Variants in MAP2K5 observed in about 807,000 individuals in gnomAD.
MAP2K5 encodes mitogen-activated protein kinase kinase 5.
A neutral mutation model predicts 83.1 loss-of-function variants in MAP2K5; 49 were observed. The ratio of observed to expected loss-of-function variants is 0.59; its 90% CI spans 0.47 to 0.75. The LOEUF is 0.75. Among genes scored for constraint, MAP2K5 ranks in the 30% least tolerant of loss-of-function variants. MAP2K5 has a pLI of 0.00. For missense variants in MAP2K5, 457 were observed against 557.5 expected, an observed-to-expected ratio of 0.82 and a Z score of 1.82; for synonymous variants, 202 against 191.8, an observed-to-expected ratio of 1.05 and a Z score of -0.44.
At chr15:67,567,525 C>T (rs1376485804) in intron 3 of MAP2K5, among the ~76,000 whole-genome samples, 1 of 151,908 alleles carries the variant, frequency 6.6e-6, no homozygotes, top group Non-Finnish European at 1.5e-5. Context: ...CCACCGCGCC[C>T]GGCTAATTTT....
chr15:67,747,499 C>G lies in MAP2K5; in HGVS notation c.1075-732C>G, dbSNP rs943753205. On this transcript the variant is annotated intron_variant, in intron 17 of 21. Coordinates refer to ENST00000178640, the MANE Select transcript of MAP2K5 (RefSeq NM_145160.3). The surrounding 1 kb of genome is among the most constrained non-coding windows in gnomAD (Gnocchi z 4.1). ...GTGGATGTTTTATTAATTTTTATGT[C>G]ACGTTTTAGTAGCTTTGTAAGAAAT... is the stretch of plus-strand genomic sequence containing the variant. 1.3e-5 allele frequency among the ~76,000 whole-genome samples: 2 copies of G among 152,124 alleles called. No individual in the cohort carries two copies. Among genetic ancestry groups the G allele is most frequent in the Non-Finnish European group, 2.9e-5 (2 of 68,030 alleles).
Position 67,782,199 on chromosome 15 carries a change from C to T in MAP2K5, c.1242+9447C>T, listed in dbSNP as rs1442482946. Among the ~76,000 whole-genome samples the T allele has an allele frequency of 3.3e-5, 5 of 152,300 alleles. No homozygotes were observed. The highest frequency in any genetic ancestry group is 1.3e-4 in the Admixed American group (2 of 15,298). On this transcript the variant is annotated intron_variant, in intron 21 of 21. Transcript: ENST00000178640. This position sits in a 1 kb window ranked among gnomAD's most constrained non-coding sequence, Gnocchi z 4.9. Reference sequence around the variant, plus strand: ...AAAGAGGCAGTGTCTCCCGCCTCTGCGGTTTCAATAATTTTAAGAGCCCCC... The same window carrying T: ...AAAGAGGCAGTGTCTCCCGCCTCTGTGGTTTCAATAATTTTAAGAGCCCCC...
chr15:67,748,618 T>C lies in MAP2K5; in HGVS notation c.1134+17T>C, dbSNP rs991787164. Reference sequence around the variant, plus strand: ...GTTGATGAGGTGAGGCATCGTCTTATGTGCTTTCACTCCTAAAGTCATTCC... The same window carrying C: ...GTTGATGAGGTGAGGCATCGTCTTACGTGCTTTCACTCCTAAAGTCATTCC... On this transcript the variant is annotated intron_variant, in intron 19 of 21. Transcript: ENST00000178640. The surrounding 1 kb of genome is among the most constrained non-coding windows in gnomAD (Gnocchi z 4.0). The C allele has an allele frequency of 6.2e-7, 1 of 1,612,906 alleles. No homozygotes were observed. Among genetic ancestry groups the C allele is most frequent in the Admixed American group, 1.7e-5 (1 of 59,974 alleles).
At position 67,638,041 on chromosome 15, in the gene MAP2K5, TAAA is replaced by T. The variant is rs1463320109; in HGVS notation, c.585+7118_585+7120del. ...TTTTTACTTTTAATTTTTTAAAAATTAAAAAAGTTAATTTTTTTAACTTTTAAT... is the reference window on the plus strand; with the variant it reads ...TTTTTACTTTTAATTTTTTAAAAATTAAAGTTAATTTTTTTAACTTTTAAT... On this transcript the variant is annotated intron_variant, in intron 9 of 21. Transcript: ENST00000178640. This position sits in a 1 kb window ranked among gnomAD's most constrained non-coding sequence, Gnocchi z 4.5. 2.0e-5 allele frequency among the ~76,000 whole-genome samples: 3 copies of T among 152,206 alleles called. No individual in the cohort carries two copies. Among genetic ancestry groups the T allele is most frequent in the East Asian group, 3.9e-4 (2 of 5,188 alleles).
intron 16 of MAP2K5, among the ~76,000 whole-genome samples, chr15:67,710,130 A>G (rs1005223181): frequency 1.3e-5 from 2 of 152,044 alleles, no homozygotes; most frequent in African/African-American, 4.8e-5. Flanking sequence ...CTGAGTAGCT[A>G]GGACTACAGG....
intron 8 of MAP2K5, among the ~76,000 whole-genome samples, chr15:67,604,061 A>G (rs2085725317): frequency 1.3e-5 from 2 of 152,266 alleles, no homozygotes; most frequent in South Asian, 4.1e-4. Flanking sequence ...TATATGATTT[A>G]ACAGTTGATA....
intron 16 of MAP2K5, among the ~76,000 whole-genome samples, chr15:67,711,082 T>C (rs1478831838): frequency 2.0e-5 from 3 of 152,242 alleles, no homozygotes; most frequent in African/African-American, 7.2e-5. Flanking sequence ...ATTACAGTAA[T>C]TTATAGGCAT....
intron 16 of MAP2K5, among the ~76,000 whole-genome samples, chr15:67,710,589 C>T (rs7168821): frequency 0.017 from 2,578 of 150,572 alleles, 87 homozygotes; most frequent in African/African-American, 0.06. Flanking sequence ...TTGCAACCTC[C>T]GCCTCCCAGG....
At chr15:67,663,208 A>G (rs563669769) in intron 12 of MAP2K5, among the ~76,000 whole-genome samples, 15 of 152,328 alleles carry the variant, frequency 9.8e-5, no homozygotes, top group Admixed American at 3.3e-4. Flanking sequence ...GGAAACTAGT[A>G]TCGATACAAT....
At position 67,802,103 on chromosome 15, in the gene MAP2K5, T is replaced by G. The variant is rs973478433; in HGVS notation, c.1243-4543T>G. On this transcript the variant is annotated intron_variant, in intron 21 of 21. Coordinates refer to ENST00000178640, the MANE Select transcript of MAP2K5 (RefSeq NM_145160.3). This position sits in a 1 kb window ranked among gnomAD's most constrained non-coding sequence, Gnocchi z 5.0. ...CCAAGCCCTGCCCCCTGCCTCCACG[T>G]GGGAGGGGCCCGGGAGTGTCCTGCT... Among the ~76,000 whole-genome samples, 9 of 152,120 alleles carry G rather than the reference T, an allele frequency of 5.9e-5. No individual in the cohort carries two copies. Among genetic ancestry groups the G allele is most frequent in the African/African-American group, 2.2e-4 (9 of 41,390 alleles).
At chr15:67,675,591 G>A (rs2087657832) in intron 13 of MAP2K5, among the ~76,000 whole-genome samples, 1 of 152,166 alleles carries the variant, frequency 6.6e-6, no homozygotes, top group East Asian at 1.9e-4. Flanking sequence ...GGGAAACTGG[G>A]TGGAGTGTAC....
intron 11 of MAP2K5, among the ~76,000 whole-genome samples, chr15:67,653,626 G>A (rs561828932): frequency 4.6e-5 from 7 of 152,032 alleles, no homozygotes; most frequent in Non-Finnish European, 7.4e-5. Context: ...AAATGAAACC[G>A]ACTTTTGGTT....
Position 67,543,006 on chromosome 15 carries a change from C to T in MAP2K5, c.-330C>T, listed in dbSNP as rs1310120495. On this transcript the variant is annotated 5_prime_UTR_variant, in exon 1 of 22. Coordinates refer to ENST00000178640, the MANE Select transcript of MAP2K5 (RefSeq NM_145160.3). This position sits in a 1 kb window ranked among gnomAD's most constrained non-coding sequence, Gnocchi z 4.3. Reference sequence around the variant, plus strand: ...AACCGAGTCCTTGCCCTGCTGCCTCCTCATACCCACACGGCGGCAGAGACC... The same window carrying T: ...AACCGAGTCCTTGCCCTGCTGCCTCTTCATACCCACACGGCGGCAGAGACC... 8.5e-6 allele frequency: 3 copies of T among 354,718 alleles called. No individual in the cohort carries two copies. Among genetic ancestry groups the T allele is most frequent in the African/African-American group, 2.1e-5 (1 of 48,172 alleles). The allele number at this position is 354,718 out of a possible 1,614,324, so 22.0% of individuals were successfully genotyped here. A position where few individuals can be genotyped will look rare whatever the true frequency, so the allele number is the denominator to read the frequency against.
rs2090277765 is a variant in MAP2K5, at chr15:67,778,679, AG to A, written c.1242+5932del. Among the ~76,000 whole-genome samples, 1 of 152,158 alleles carries A rather than the reference AG, an allele frequency of 6.6e-6. No homozygotes were observed. The highest frequency in any genetic ancestry group is 2.1e-4 in the South Asian group (1 of 4,826). On this transcript the variant is annotated intron_variant, in intron 21 of 21. Coordinates refer to ENST00000178640, the MANE Select transcript of MAP2K5 (RefSeq NM_145160.3). The surrounding 1 kb of genome is among the most constrained non-coding windows in gnomAD (Gnocchi z 5.0). ...GATCCTTTGCGGTTAGCAGAAGGGTAGGGGGATTTCTTACCTGTTACTGTTT... is the reference window on the plus strand; with the variant it reads ...GATCCTTTGCGGTTAGCAGAAGGGTAGGGGATTTCTTACCTGTTACTGTTT...
intron 15 of MAP2K5, among the ~76,000 whole-genome samples, chr15:67,695,719 A>T (rs140054791): frequency 1.3e-5 from 2 of 152,352 alleles, no homozygotes; most frequent in African/African-American, 4.8e-5. Flanking sequence ...ACAAATCCAG[A>T]TTACAGTTGT....
chr15:67,757,006 G>T lies in MAP2K5; in HGVS notation c.1134+8405G>T, dbSNP rs1198179231. Reference sequence around the variant, plus strand: ...TGTGAATAATGCTGCAGTGAACATGGCAGTGCAGATATCTCTTCAGGATAG... The same window carrying T: ...TGTGAATAATGCTGCAGTGAACATGTCAGTGCAGATATCTCTTCAGGATAG... On this transcript the variant is annotated intron_variant, in intron 19 of 21. Transcript: ENST00000178640. This position sits in a 1 kb window ranked among gnomAD's most constrained non-coding sequence, Gnocchi z 4.9. 1.3e-5 allele frequency among the ~76,000 whole-genome samples: 2 copies of T among 151,994 alleles called. No homozygotes were observed. The highest frequency in any genetic ancestry group is 4.8e-5 in the African/African-American group (2 of 41,346).
At chr15:67,726,158 G>A (rs1458338642) in intron 16 of MAP2K5, among the ~76,000 whole-genome samples, 1 of 152,138 alleles carries the variant, frequency 6.6e-6, no homozygotes, top group Non-Finnish European at 1.5e-5. Context: ...CAAGATATGA[G>A]TACAAGGTAA....
chr15:67,709,224 G>T (rs2088631131), intron 16 of MAP2K5, among the ~76,000 whole-genome samples: 1 of 152,180 alleles, frequency 6.6e-6, no homozygotes, highest in South Asian at 2.1e-4. Context: ...TATTGGGGAA[G>T]AGAACCCGTG....
chr15:67,604,620 G>A (rs983289065), intron 8 of MAP2K5, among the ~76,000 whole-genome samples: 17 of 152,070 alleles, frequency 1.1e-4, no homozygotes, highest in African/African-American at 3.1e-4. Flanking sequence ...GGTTGGGCGG[G>A]GTGCGGTGGC....
Sources: allele counts gnomAD v4.1 joint callset (sites outside exome capture counted in the v4.1 genomes callset), GRCh38; gene constraint gnomAD v4.1.1; non-coding constraint Gnocchi (gnomAD v3.1); transcripts MANE v1.5; gene names NCBI Gene and HGNC (gene_info 2026-07-23, HGNC 2026-07-21).